The following DPP9 variants were observed in gnomAD, a reference collection of about 807,000 sequenced individuals.
DPP9 encodes the protein dipeptidyl peptidase IV-related protein-2.
Under a neutral mutation model 110.7 loss-of-function variants are expected in DPP9, and 50 were observed. The observed-to-expected ratio is 0.45, with a 90% CI of 0.36 to 0.57. DPP9 has a LOEUF of 0.57. Among genes scored for constraint, DPP9 ranks in the 20% least tolerant of loss-of-function variants. The probability of loss-of-function intolerance (pLI) is 0.00; values close to 1 mark genes in which losing one functional copy is unlikely to be tolerated. For synonymous variants in DPP9, 561 were observed against 514.4 expected, an observed-to-expected ratio of 1.09 and a Z score of -1.23; for missense variants, 1,022 against 1,217.9, an observed-to-expected ratio of 0.84 and a Z score of 2.39.
Position 4,684,849 on chromosome 19 carries a change from C to T in DPP9, c.2032-40G>A, listed in dbSNP as rs564341563. On this transcript the variant is annotated intron_variant, in intron 17 of 21. Coordinates refer to ENST00000262960, the MANE Select transcript of DPP9 (RefSeq NM_139159.5). The surrounding 1 kb of genome is among the most constrained non-coding windows in gnomAD (Gnocchi z 4.8). ...GGGCCAGCAGTCCAGCACGAGATGC[C>T]GGGCAGGACGGGCCTGGCAGGGGAG... 318 of 1,564,812 alleles carry T rather than the reference C, an allele frequency of 2.0e-4. 2 individuals are homozygous for T. In the South Asian group the frequency reaches 2.5e-3, roughly 12 times the overall value.
chr19:4,701,332 G>T (rs945868544), intron 9 of DPP9, among the ~76,000 whole-genome samples: 2 of 152,142 alleles, frequency 1.3e-5, no homozygotes, highest in African/African-American at 2.4e-5. Context: ...GCTGGGCATG[G>T]TGGCACACAC....
At chr19:4,681,482 A>G (rs1438548352) in intron 20 of DPP9, among the ~76,000 whole-genome samples, 3 of 151,538 alleles carry the variant, frequency 2.0e-5, no homozygotes, top group Non-Finnish European at 4.4e-5. Flanking sequence ...ACACCTGGCT[A>G]ATTTTTATAT....
chr19:4,683,166 G>T, intron 19 of DPP9: 1 of 1,437,662 alleles, frequency 7.0e-7, no homozygotes, highest in Non-Finnish European at 9.1e-7. Context: ...GGGCCCCCCC[G>T]CCGCTCTGCA....
rs999355233 is a variant in DPP9, at chr19:4,682,967, C to T, written c.2332-129G>A. ...TGAGGAGCGCTCATGCACATGGGGC[C>T]GGCAAGGAAGGGGCCCTCAGACCGC... On this transcript the variant is annotated intron_variant, in intron 19 of 21. Transcript: ENST00000262960. This position sits in a 1 kb window ranked among gnomAD's most constrained non-coding sequence, Gnocchi z 7.1. 25 of 1,533,114 alleles carry T rather than the reference C, an allele frequency of 1.6e-5. No homozygotes were observed. In the Admixed American group the frequency reaches 2.2e-4, roughly 13 times the overall value. The allele number at this position is 1,533,114 out of a possible 1,614,324, so 95.0% of individuals were successfully genotyped here. A position where few individuals can be genotyped will look rare whatever the true frequency, so the allele number is the denominator to read the frequency against.
At chr19:4,686,880 C>G (rs2090790033) in intron 16 of DPP9, among the ~76,000 whole-genome samples, 1 of 152,192 alleles carries the variant, frequency 6.6e-6, no homozygotes, top group South Asian at 2.1e-4. Flanking sequence ...TGCTGTGTCT[C>G]TGTGTCATCT....
chr19:4,701,951 G>A (rs1285568005), intron 9 of DPP9, 76 bp downstream of exon 9: 4 of 1,555,858 alleles, frequency 2.6e-6, no homozygotes, highest in East Asian at 2.2e-5. Flanking sequence ...GGGCCTGGGG[G>A]ACAGTGCACC....
rs567622942 is a variant in DPP9 at position 4,691,064 on chromosome 19, A to C, written c.1517-107T>G. On this transcript the variant is annotated intron_variant, in intron 13 of 21. Transcript: ENST00000262960. ...GAGCAGACTCACCATGGAGCCACTG[A>C]AACCCCGGCTTGCTGTGAACTCAGA... 542 of 813,524 alleles carry C rather than the reference A, an allele frequency of 6.7e-4. 1 individual carries two copies. The highest frequency in any genetic ancestry group is 1.5e-3 in the Admixed American group (70 of 46,072). 50.4% of individuals were successfully genotyped at this position (813,524 alleles called of 1,614,324 possible). A position where few individuals can be genotyped will look rare whatever the true frequency, so the allele number is the denominator to read the frequency against.
At chr19:4,692,746 C>T (rs1369088036) in intron 13 of DPP9, among the ~76,000 whole-genome samples, 1 of 152,128 alleles carries the variant, frequency 6.6e-6, no homozygotes, top group Non-Finnish European at 1.5e-5. Flanking sequence ...CCACAGGGGG[C>T]AAAATGAGCA....
chr19:4,713,918 T>A (rs2092955308), intron 4 of DPP9, among the ~76,000 whole-genome samples, 163 bp downstream of exon 4: 4 of 152,024 alleles, frequency 2.6e-5, no homozygotes. Context: ...CCCTTCCCTG[T>A]AGTCAGAGCT....
chr19:4,689,433 C>T lies in DPP9; in HGVS notation c.1749+137G>A. On this transcript the variant is annotated intron_variant, in intron 15 of 21. Transcript: ENST00000262960. The surrounding 1 kb of genome is among the most constrained non-coding windows in gnomAD (Gnocchi z 7.0). ...CCTACCCAGGAGGCAGGGGTGGGCACTGCCTGCCCCAAGGCAGCTATGAGA... is the reference window on the plus strand; with the variant it reads ...CCTACCCAGGAGGCAGGGGTGGGCATTGCCTGCCCCAAGGCAGCTATGAGA... The T allele has an allele frequency of 2.5e-6, 3 of 1,176,984 alleles. No individual in the cohort carries two copies. Among genetic ancestry groups the T allele is most frequent in the South Asian group, 1.5e-5 (1 of 66,348 alleles). The allele number at this position is 1,176,984 out of a possible 1,614,324, so 72.9% of individuals were successfully genotyped here.
At chr19:4,683,721 C>A in intron 18 of DPP9, 92 bp from the exon 19 acceptor site, 1 of 1,611,330 alleles carries the variant, frequency 6.2e-7, no homozygotes, top group Non-Finnish European at 8.5e-7. Flanking sequence ...GGCGTCTCTC[C>A]CTCTTGGATG....
intron 8 of DPP9, 48 bp downstream of exon 8, chr19:4,702,555 G>T: frequency 7.0e-7 from 1 of 1,430,984 alleles, no homozygotes; most frequent in Non-Finnish European, 9.6e-7. Flanking sequence ...TGTGATTCCA[G>T]GAGGAAAAGC....
At chr19:4,679,466 G>C (rs2089476003) in intron 21 of DPP9, 2 of 256,552 alleles carry the variant, frequency 7.8e-6, no homozygotes, top group Admixed American at 1.0e-4. Context: ...AGCCTGCTAG[G>C]GCCTTCAGCA....
intron 11 of DPP9, among the ~76,000 whole-genome samples, chr19:4,696,867 C>T (rs149835607): frequency 0.021 from 3,205 of 152,250 alleles, 40 homozygotes; most frequent in Non-Finnish European, 0.03. Context: ...GAGGCATTAA[C>T]CAATGCAATT....
At position 4,688,821 on chromosome 19, in the gene DPP9, G is replaced by A. The variant is rs1180316828; in HGVS notation, c.1821C>T (p.Ser607=). 1.1e-5 allele frequency: 17 copies of A among 1,497,512 alleles called. No homozygotes were observed. Among genetic ancestry groups the A allele is most frequent in the African/African-American group, 1.0e-4 (7 of 67,708 alleles). The allele number at this position is 1,497,512 out of a possible 1,614,324, so 92.8% of individuals were successfully genotyped here. The change falls in exon 16 of 22, where the codon AGC becomes AGT. Residue 607 remains serine, a synonymous_variant. Coordinates refer to ENST00000262960, the MANE Select transcript of DPP9 (RefSeq NM_139159.5). The part of the protein sequence containing the change: ...TPPCVHVYKL[S]GPDDDPLHKQ... The stretch of plus-strand genomic sequence containing the variant: ...TGTGCAGGGGGTCGTCGTCGGGGCC[G>A]CTCAGCTTGTAGACGTGCACGCAGG...
Position 4,710,343 on chromosome 19 carries a change from A to G in DPP9, c.313+3738T>C, listed in dbSNP as rs1330045219. Among the ~76,000 whole-genome samples the G allele has an allele frequency of 6.6e-6, 1 of 152,118 alleles. No individual in the cohort carries two copies. The highest frequency in any genetic ancestry group is 2.4e-5 in the African/African-American group (1 of 41,426). ...TCGAGGGAGTTCCAGAACTGTCTGGAACCCTGTGGCCTCCTCCAGCCACAG... is the reference window on the plus strand; with the variant it reads ...TCGAGGGAGTTCCAGAACTGTCTGGGACCCTGTGGCCTCCTCCAGCCACAG... On this transcript the variant is annotated intron_variant, in intron 4 of 21. Transcript: ENST00000262960. This position sits in a 1 kb window ranked among gnomAD's most constrained non-coding sequence, Gnocchi z 5.6.
At chr19:4,701,195 G>A (rs2092229852) in intron 9 of DPP9, among the ~76,000 whole-genome samples, 2 of 152,178 alleles carry the variant, frequency 1.3e-5, no homozygotes, top group South Asian at 2.1e-4. Context: ...GTGGCCGGGC[G>A]TGTGGCTCAC....
chr19:4,679,796 CGGCTCGCGGAGGGG>C, intron 21 of DPP9, 25 bp downstream of exon 21: 1 of 1,468,078 alleles, frequency 6.8e-7, no homozygotes, highest in South Asian at 1.2e-5. Flanking sequence ...AGGGATCTGT[CGGCTCGCGGAGGGG>C]CCGAAGCCCC....
chr19:4,684,188 C>T lies in DPP9; in HGVS notation c.2178+475G>A, dbSNP rs2090347514. On this transcript the variant is annotated intron_variant, in intron 18 of 21. Transcript: ENST00000262960. The surrounding 1 kb of genome is among the most constrained non-coding windows in gnomAD (Gnocchi z 4.8). ...CTGATGGAGGGAGGCCACGGCTTTTCCGCTCCTTGCAACCCCTCTGCCGTG... is the reference window on the plus strand; with the variant it reads ...CTGATGGAGGGAGGCCACGGCTTTTTCGCTCCTTGCAACCCCTCTGCCGTG... 3.7e-6 allele frequency: 1 copy of T among 272,974 alleles called. No individual in the cohort carries two copies. Among genetic ancestry groups the T allele is most frequent in the Non-Finnish European group, 7.2e-6 (1 of 138,152 alleles). 16.9% of individuals were successfully genotyped at this position (272,974 alleles called of 1,614,324 possible).
Sources: gnomAD v4.1 joint callset for allele counts (sites outside exome capture counted in the v4.1 genomes callset) on GRCh38, gnomAD v4.1.1 for gene constraint, Gnocchi (gnomAD v3.1) non-coding constraint, MANE v1.5 for transcripts, NCBI Gene and HGNC (gene_info 2026-07-23, HGNC 2026-07-21) for gene names.